The following SCML4 variants were observed in gnomAD, a reference collection of about 807,000 sequenced individuals.
SCML4 encodes the protein Scm polycomb group protein like 4.
In SCML4, 34 loss-of-function variants were observed where a neutral mutation model predicts 41.1. That is an observed-to-expected ratio of 0.83 (90% CI 0.63 to 1.10). The LOEUF is 1.10. Among genes scored for constraint, SCML4 ranks in the 50% least tolerant of loss-of-function variants. SCML4 has a pLI of 0.00. For synonymous variants in SCML4, 214 were observed against 220.9 expected, an observed-to-expected ratio of 0.97 and a Z score of 0.28; for missense variants, 522 against 534.1, an observed-to-expected ratio of 0.98 and a Z score of 0.22.
intron 1 of SCML4, among the ~76,000 whole-genome samples, chr6:107,799,105 T>C (rs1474743815): frequency 6.6e-6 from 1 of 152,214 alleles, no homozygotes; most frequent in Non-Finnish European, 1.5e-5. Context: ...TTTCAAATCC[T>C]CTATACCCTT....
intron 1 of SCML4, among the ~76,000 whole-genome samples, chr6:107,795,425 T>C (rs116841513): frequency 3.7e-3 from 566 of 152,370 alleles, no homozygotes; most frequent in Admixed American, 9.2e-3. Context: ...GTCAATTTCA[T>C]AGGTCTTAAA....
At position 107,813,028 on chromosome 6, in the gene SCML4, TTA is replaced by T. The variant is rs569913204; in HGVS notation, c.-60+11096_-60+11097del. On this transcript the variant is annotated intron_variant, in intron 1 of 7. Transcript: ENST00000369020. ...TAAATAAATACATTTTAATGAAACT[TTA>T]TGTCACATTTATAAATTCAAATCAT... Among the ~76,000 whole-genome samples, 283 of 152,094 alleles carry T rather than the reference TTA, an allele frequency of 1.9e-3. 1 individual carries two copies. Among genetic ancestry groups the T allele is most frequent in the Non-Finnish European group, 3.5e-3 (241 of 67,994 alleles).
chr6:107,746,738 C>T lies in SCML4; in HGVS notation c.438G>A (p.Lys146=). 2 of 1,614,198 alleles carry T rather than the reference C, an allele frequency of 1.2e-6. No homozygotes were observed. The highest frequency in any genetic ancestry group is 1.7e-6 in the Non-Finnish European group (2 of 1,180,024). The change falls in exon 4 of 8, where the codon AAG becomes AAA. Residue 146 remains lysine, a synonymous_variant. Transcript: ENST00000369020. ...QACIDCAHQQ[K]LVFSLVKQGY... Reference sequence around the variant, plus strand: ...CCTGCTTGACCAGGGAGAAGACCAGCTTCTGCTGGTGGGCGCAGTCGATGC... The same window carrying T: ...CCTGCTTGACCAGGGAGAAGACCAGTTTCTGCTGGTGGGCGCAGTCGATGC...
chr6:107,715,744 C>A (rs1402867457), intron 6 of SCML4, among the ~76,000 whole-genome samples: 2 of 152,146 alleles, frequency 1.3e-5, no homozygotes, highest in Admixed American at 1.3e-4. Context: ...TAAGTACCGC[C>A]AGAGAGAGAA....
chr6:107,767,107 G>A (rs1031601843), intron 2 of SCML4, among the ~76,000 whole-genome samples: 2 of 151,868 alleles, frequency 1.3e-5, no homozygotes, highest in East Asian at 1.9e-4. Context: ...ACTGACACGC[G>A]CCACCATGCC....
At chr6:107,755,782 A>G (rs1779060946) in intron 2 of SCML4, 2 of 307,624 alleles carry the variant, frequency 6.5e-6, no homozygotes, top group Non-Finnish European at 1.2e-5. Flanking sequence ...CTCCTTGCAG[A>G]CATGGCTGAT....
chr6:107,766,983 G>T (rs911578972), intron 2 of SCML4, among the ~76,000 whole-genome samples: 2 of 139,274 alleles, frequency 1.4e-5, no homozygotes, highest in African/African-American at 2.7e-5. Context: ...ACAGAATCTC[G>T]CCCTGTCACT....
At chr6:107,831,614 C>T in the SCML4 span, among the ~76,000 whole-genome samples, 1 of 152,104 alleles carries the variant, frequency 6.6e-6, no homozygotes, top group Non-Finnish European at 1.5e-5. Context: ...GTAAAAACAG[C>T]TCAAACTGGC....
intron 6 of SCML4, chr6:107,719,998 A>G: frequency 1.0e-6 from 1 of 985,468 alleles, no homozygotes; most frequent in Non-Finnish European, 1.2e-6. Context: ...CTGCATTCCA[A>G]CAAGCTTTCT....
intron 1 of SCML4, among the ~76,000 whole-genome samples, chr6:107,819,319 T>C (rs1784780715): frequency 6.6e-6 from 1 of 152,230 alleles, no homozygotes; most frequent in Non-Finnish European, 1.5e-5. Context: ...TTTGAAACAA[T>C]GAGGGCTTCT....
intron 2 of SCML4, among the ~76,000 whole-genome samples, chr6:107,760,918 A>G (rs181365589): frequency 2.0e-5 from 3 of 152,332 alleles, no homozygotes; most frequent in East Asian, 1.9e-4. Context: ...AAAAAGAAGC[A>G]AATTGAATTT....
chr6:107,732,719 C>T (rs1776685669), intron 5 of SCML4, among the ~76,000 whole-genome samples: 1 of 152,142 alleles, frequency 6.6e-6, no homozygotes, highest in African/African-American at 2.4e-5. Context: ...TGCCAAACCT[C>T]CACGCCAAGC....
the SCML4 span, among the ~76,000 whole-genome samples, chr6:107,837,198 C>T: frequency 6.6e-6 from 1 of 152,192 alleles, no homozygotes; most frequent in Non-Finnish European, 1.5e-5. Flanking sequence ...ACCAAGTCTA[C>T]CTTGTAGGAT....
At chr6:107,798,298 TA>T (rs1782859391) in intron 1 of SCML4, among the ~76,000 whole-genome samples, 1 of 152,004 alleles carries the variant, frequency 6.6e-6, no homozygotes, top group South Asian at 2.1e-4. Context: ...TTCATTTTTT[TA>T]ATATAGAAGG....
At chr6:107,845,271 T>C in the SCML4 span, among the ~76,000 whole-genome samples, 1 of 151,054 alleles carries the variant, frequency 6.6e-6, no homozygotes, top group South Asian at 2.1e-4. Flanking sequence ...CACAAAGGAG[T>C]TCACATCAGC....
chr6:107,709,900 G>C (rs543638497), intron 6 of SCML4, among the ~76,000 whole-genome samples: 1 of 151,984 alleles, frequency 6.6e-6, no homozygotes, highest in Non-Finnish European at 1.5e-5. Context: ...AGTAGAGATG[G>C]GGTTTCACCA....
At chr6:107,819,412 G>A (rs775904261) in intron 1 of SCML4, among the ~76,000 whole-genome samples, 50 of 152,252 alleles carry the variant, frequency 3.3e-4, no homozygotes, top group African/African-American at 1.1e-3. Context: ...AGTCACCATC[G>A]CGGGGCTAAG....
At chr6:107,756,340 C>T (rs555183112) in intron 2 of SCML4, among the ~76,000 whole-genome samples, 2 of 152,320 alleles carry the variant, frequency 1.3e-5, no homozygotes, top group African/African-American at 4.8e-5. Flanking sequence ...TGCCACGTCA[C>T]CTCTGGGATC....
At chr6:107,708,332 T>C (rs939842281) in intron 6 of SCML4, among the ~76,000 whole-genome samples, 1 of 151,948 alleles carries the variant, frequency 6.6e-6, no homozygotes, top group African/African-American at 2.4e-5. Context: ...TTTTCAAGAC[T>C]CTCCTGCTCA....
Sources: gnomAD v4.1 joint callset for allele counts (sites outside exome capture counted in the v4.1 genomes callset) on GRCh38, gnomAD v4.1.1 for gene constraint, MANE v1.5 for transcripts, NCBI Gene and HGNC (gene_info 2026-07-23, HGNC 2026-07-21) for gene names.